Variants in CEP135 observed in about 807,000 individuals in gnomAD.
CEP135 encodes centrosomal protein 135.
CEP135 carries 142 observed loss-of-function variants against 157.3 expected under a neutral mutation model. That is an observed-to-expected ratio of 0.90 (90% confidence interval 0.79 to 1.04). CEP135 has a LOEUF of 1.04. Among genes scored for constraint, CEP135 ranks in the 50% least tolerant of loss-of-function variants. The pLI, the probability that CEP135 is intolerant of heterozygous loss-of-function variation, is 0.00. For synonymous variants in CEP135, 396 were observed against 439.8 expected (o/e 0.90, Z 1.25); for missense variants, 1,317 against 1,309.2 (o/e 1.01, Z -0.09).
intron 9 of CEP135, 63 bp downstream of exon 9, chr4:55,969,191 G>T (rs1728936685): frequency 2.9e-6 from 4 of 1,396,290 alleles, no homozygotes; most frequent in Non-Finnish European, 4.0e-6. Flanking sequence ...GGGAGACTGA[G>T]GTGGGTTTAT....
chr4:56,013,030 A>T (rs1334659555), intron 21 of CEP135, among the ~76,000 whole-genome samples: 3 of 152,180 alleles, frequency 2.0e-5, no homozygotes, highest in Admixed American at 2.0e-4. Flanking sequence ...CGAGGGTTCC[A>T]GTTGCTCCAT....
chr4:56,023,185 G>A (rs1731023906), intron 24 of CEP135, among the ~76,000 whole-genome samples: 1 of 151,906 alleles, frequency 6.6e-6, no homozygotes, highest in Non-Finnish European at 1.5e-5. Flanking sequence ...TTGTACCACT[G>A]CACTTGAGTC....
intron 7 of CEP135, 87 bp downstream of exon 7, chr4:55,964,489 A>T: frequency 9.1e-7 from 1 of 1,103,772 alleles, no homozygotes; most frequent in Non-Finnish European, 1.2e-6. Context: ...ATGGGTTTGT[A>T]AAAGTGGCAG....
chr4:56,006,684 T>C (rs1730357169), intron 17 of CEP135, among the ~76,000 whole-genome samples: 1 of 152,232 alleles, frequency 6.6e-6, no homozygotes, highest in Non-Finnish European at 1.5e-5. Flanking sequence ...TGGAGATCAC[T>C]GAATTTCCTT....
chr4:55,985,407 A>G (rs753929819), intron 14 of CEP135, 49 bp downstream of exon 14: 8 of 855,610 alleles, frequency 9.4e-6, no homozygotes, highest in Admixed American at 2.3e-5. Flanking sequence ...ATGAATAACT[A>G]TGTCAATTAC....
intron 21 of CEP135, among the ~76,000 whole-genome samples, chr4:56,014,986 G>A (rs13127483): frequency 0.2 from 29,752 of 151,936 alleles, 3,278 homozygotes; most frequent in Non-Finnish European, 0.26. Context: ...AGGCTGCAGT[G>A]AGCCGAGATC....
intron 2 of CEP135, chr4:55,952,671 G>A (rs1728393959): frequency 5.6e-6 from 1 of 179,810 alleles, no homozygotes. Flanking sequence ...CAACATCATA[G>A]GGTGTGCTTA....
intron 21 of CEP135, among the ~76,000 whole-genome samples, chr4:56,012,548 G>A (rs1560422155): frequency 6.6e-6 from 1 of 152,098 alleles, no homozygotes; most frequent in Non-Finnish European, 1.5e-5. Flanking sequence ...ACAATGTTGT[G>A]TAACTATCAC....
At chr4:55,967,841 G>A (rs1457421575) in intron 8 of CEP135, among the ~76,000 whole-genome samples, 1 of 152,124 alleles carries the variant, frequency 6.6e-6, no homozygotes, top group Non-Finnish European at 1.5e-5. Flanking sequence ...GTGAAAAACT[G>A]GAAGTTTTTC....
chr4:55,967,423 A>G (rs1037831778), intron 8 of CEP135, among the ~76,000 whole-genome samples: 1 of 152,164 alleles, frequency 6.6e-6, no homozygotes, highest in African/African-American at 2.4e-5. Context: ...AAAGTTTTTT[A>G]TATCTTGAGA....
intron 25 of CEP135, among the ~76,000 whole-genome samples, chr4:56,030,620 A>G (rs1430775824): frequency 6.6e-6 from 1 of 151,820 alleles, no homozygotes; most frequent in African/African-American, 2.4e-5. Context: ...TACCCAGCTA[A>G]TTTTTGTATT....
At chr4:56,010,841 T>G (rs1560421325) in intron 19 of CEP135, among the ~76,000 whole-genome samples, 1 of 152,188 alleles carries the variant, frequency 6.6e-6, no homozygotes, top group Non-Finnish European at 1.5e-5. Context: ...AATATGAATG[T>G]TTTTTAATGT....
Position 55,981,353 on chromosome 4 carries a change from A to G in CEP135, c.1753A>G (p.Lys585Glu), listed in dbSNP as rs1729401461. The G allele has an allele frequency of 6.3e-7, 1 of 1,582,460 alleles. No homozygotes were observed. Among genetic ancestry groups the G allele is most frequent in the Non-Finnish European group, 8.5e-7 (1 of 1,171,418 alleles). ...TGACTTAAGAAGAATTATGGCAGAA[A>G]AGGAAGCTTTAAGAGAAAAATTAGA... Reference protein sequence around the residue: ...LSDLRRIMAEKEALREKLEHI... With the variant: ...LSDLRRIMAEEEALREKLEHI... The change falls in exon 13 of 26, where the codon AAG (lysine) becomes GAG (glutamate). Residue 585 changes from lysine to glutamate, a missense_variant. Coordinates refer to ENST00000257287, the MANE Select transcript of CEP135 (RefSeq NM_025009.5).
intron 7 of CEP135, 58 bp downstream of exon 7, chr4:55,964,460 T>C: frequency 1.5e-6 from 2 of 1,344,650 alleles, no homozygotes; most frequent in Non-Finnish European, 1.0e-6. Flanking sequence ...TAATAAACAC[T>C]ATATGTTTAT....
intron 9 of CEP135, among the ~76,000 whole-genome samples, chr4:55,970,123 C>T (rs145899345): frequency 7.8e-4 from 118 of 152,070 alleles, no homozygotes; most frequent in African/African-American, 2.7e-3. Context: ...TCTCCCGCCC[C>T]GGCCTCCTAA....
chr4:55,975,091 G>T, intron 11 of CEP135, 122 bp downstream of exon 11: 3 of 716,528 alleles, frequency 4.2e-6, no homozygotes, highest in Non-Finnish European at 6.7e-6. Context: ...TTTGATTCTT[G>T]TTTTCTTTTA....
intron 1 of CEP135, among the ~76,000 whole-genome samples, chr4:55,951,627 AT>A (rs1447895392): frequency 6.6e-6 from 1 of 152,166 alleles, no homozygotes; most frequent in Non-Finnish European, 1.5e-5. Context: ...AGTTGTAAGA[AT>A]TCCTTTTATA....
chr4:55,950,388 G>A (rs927625269), intron 1 of CEP135, among the ~76,000 whole-genome samples: 1 of 152,126 alleles, frequency 6.6e-6, no homozygotes, highest in Admixed American at 6.5e-5. Flanking sequence ...TATATATTGT[G>A]AAGAACAACA....
chr4:55,967,989 G>A (rs1728896626), intron 8 of CEP135, among the ~76,000 whole-genome samples: 1 of 152,210 alleles, frequency 6.6e-6, no homozygotes, highest in Non-Finnish European at 1.5e-5. Flanking sequence ...TCTGTTTACA[G>A]ATGGCATAAT....
Sources: allele counts gnomAD v4.1 joint callset (sites outside exome capture counted in the v4.1 genomes callset), GRCh38; gene constraint gnomAD v4.1.1; transcripts MANE v1.5; gene names NCBI Gene and HGNC (gene_info 2026-07-23, HGNC 2026-07-21).